SATB2: variants seen among roughly 807,000 people sequenced by gnomAD.
SATB2 encodes SATB homeobox 2.
In SATB2, 1 loss-of-function variant was observed where a neutral mutation model predicts 73.4. That is an observed-to-expected ratio of 0.01 (90% CI 0.00 to 0.06). The LOEUF is 0.06. Ranked by LOEUF, SATB2 falls within the 10% of genes least tolerant of loss-of-function variation. SATB2 has a pLI of 1.00. For synonymous variants in SATB2, 397 were observed against 367.0 expected, an observed-to-expected ratio of 1.08 and a Z score of -0.93; for missense variants, 459 against 945.8, an observed-to-expected ratio of 0.49 and a Z score of 6.75.
At chr2:199,470,935 G>A (rs1692693146) in intron 1 of SATB2, 1 of 152,436 alleles carries the variant, frequency 6.6e-6, no homozygotes, top group African/African-American at 2.4e-5. Context: ...GGACTTTGCT[G>A]CGGACGCTGC....
Position 199,280,013 on chromosome 2 carries a change from C to T in SATB2, c.1741-7341G>A, listed in dbSNP as rs538108482. On this transcript the variant is annotated intron_variant, in intron 10 of 10. Transcript: ENST00000417098. ...AAAATTAGCCAGGCGTGGTGGCACG[C>T]GCCTGTAATCCCAGCTACTTGGGTG... Among the ~76,000 whole-genome samples, 19 of 152,246 alleles carry T rather than the reference C, an allele frequency of 1.2e-4. No individual in the cohort carries two copies. In the South Asian group the frequency reaches 2.5e-3, roughly 20 times the overall value.
intron 6 of SATB2, among the ~76,000 whole-genome samples, chr2:199,353,431 A>G (rs1368670666): frequency 6.6e-6 from 1 of 152,124 alleles, no homozygotes; most frequent in Non-Finnish European, 1.5e-5. Flanking sequence ...CTAGGATTAC[A>G]GGCATGAGCC....
intron 10 of SATB2, among the ~76,000 whole-genome samples, chr2:199,275,205 G>T (rs1692276030): frequency 6.6e-6 from 1 of 152,148 alleles, no homozygotes; most frequent in Non-Finnish European, 1.5e-5. Context: ...TAGATTTAAA[G>T]AGATTTTCCA....
rs1692199722 is a variant in SATB2, at chr2:199,272,743, G to A, written c.1741-71C>T. 4 of 1,357,164 alleles carry A rather than the reference G, an allele frequency of 2.9e-6. No homozygotes were observed. Among genetic ancestry groups the A allele is most frequent in the Non-Finnish European group, 4.2e-6 (4 of 946,916 alleles). The allele number at this position is 1,357,164 out of a possible 1,614,324, so 84.1% of individuals were successfully genotyped here. A position where few individuals can be genotyped will look rare whatever the true frequency, so the allele number is the denominator to read the frequency against. On this transcript the variant is annotated intron_variant, in intron 10 of 10. Coordinates refer to ENST00000417098, the MANE Select transcript of SATB2 (RefSeq NM_001172509.2). The surrounding 1 kb of genome is among the most constrained non-coding windows in gnomAD (Gnocchi z 6.7). ...ACCTTTCCAAAACCATCAGCCCTCT[G>A]AAATATGTGTTATCTATCTAGCACT...
intron 2 of SATB2, among the ~76,000 whole-genome samples, chr2:199,446,435 T>C (rs1010317424): frequency 1.3e-5 from 2 of 152,126 alleles, no homozygotes; most frequent in African/African-American, 2.4e-5. Flanking sequence ...CTTGACTATT[T>C]AATTGCTGTT....
At chr2:199,445,873 A>G (rs1691948647) in intron 2 of SATB2, among the ~76,000 whole-genome samples, 1 of 152,128 alleles carries the variant, frequency 6.6e-6, no homozygotes, top group Non-Finnish European at 1.5e-5. Flanking sequence ...AGGCACCTTC[A>G]CTCTGAATAC....
At chr2:199,456,262 C>T (rs1206078830) in intron 1 of SATB2, among the ~76,000 whole-genome samples, 166 bp from the exon 2 acceptor site, 1 of 152,270 alleles carries the variant, frequency 6.6e-6, no homozygotes, top group Non-Finnish European at 1.5e-5. Flanking sequence ...CCCAACCTTA[C>T]ACTGGGCGGC....
In SATB2 at chr2:199,285,824, T is replaced by TGGTA. The variant is rs535865167; in HGVS notation, c.1741-13156_1741-13153dup. 3.6e-4 allele frequency among the ~76,000 whole-genome samples: 52 copies of TGGTA among 145,226 alleles called. 1 individual carries two copies. In the East Asian group the frequency reaches 0.01, roughly 29 times the overall value. On this transcript the variant is annotated intron_variant, in intron 10 of 10. Coordinates refer to ENST00000417098, the MANE Select transcript of SATB2 (RefSeq NM_001172509.2). ...GAGAAATCAATACAAACAAGCAAAATGGTAGGAAGTCTGACATGGAAATAT... is the reference window on the plus strand; with the variant it reads ...GAGAAATCAATACAAACAAGCAAAATGGTAGGTAGGAAGTCTGACATGGAAATAT...
Position 199,455,806 on chromosome 2 carries a change from C to G in SATB2, c.169+63G>C. 2.0e-6 allele frequency: 3 copies of G among 1,515,560 alleles called. No homozygotes were observed. Among genetic ancestry groups the G allele is most frequent in the Admixed American group, 3.9e-5 (2 of 50,906 alleles). The allele number at this position is 1,515,560 out of a possible 1,614,324, so 93.9% of individuals were successfully genotyped here. ...GCGACAGCGCCTAATCAACCTGAAC[C>G]CTGACACCCGGGCCATTATCACTGG... On this transcript the variant is annotated intron_variant, in intron 2 of 10. Transcript: ENST00000417098. This position sits in a 1 kb window ranked among gnomAD's most constrained non-coding sequence, Gnocchi z 4.1.
intron 5 of SATB2, among the ~76,000 whole-genome samples, chr2:199,373,621 G>A (rs181642812): frequency 8.5e-5 from 13 of 152,260 alleles, no homozygotes; most frequent in East Asian, 5.8e-4. Flanking sequence ...ATCAGAGAGT[G>A]TAAGGATTCT....
At chr2:199,280,332 T>C (rs1470344355) in intron 10 of SATB2, among the ~76,000 whole-genome samples, 3 of 152,108 alleles carry the variant, frequency 2.0e-5, no homozygotes, top group Non-Finnish European at 4.4e-5. Context: ...CCTGTGATGA[T>C]TGTGTTAACT....
At chr2:199,436,164 T>G (rs1403394154) in intron 2 of SATB2, among the ~76,000 whole-genome samples, 2 of 152,206 alleles carry the variant, frequency 1.3e-5, no homozygotes, top group African/African-American at 4.8e-5. Context: ...CTATAAATCT[T>G]TCTCAAGTCT....
At chr2:199,405,410 A>AG (rs1258297454) in intron 3 of SATB2, among the ~76,000 whole-genome samples, 1 of 152,178 alleles carries the variant, frequency 6.6e-6, no homozygotes, top group Non-Finnish European at 1.5e-5. Flanking sequence ...ATCTACCACC[A>AG]GGGGACCCAA....
chr2:199,309,028 C>A, intron 9 of SATB2, 71 bp from the exon 10 acceptor site: 1 of 1,173,254 alleles, frequency 8.5e-7, no homozygotes, highest in South Asian at 1.3e-5. Context: ...TGACTGCGGT[C>A]CAGTGCCATC....
intron 3 of SATB2, among the ~76,000 whole-genome samples, chr2:199,412,739 CAAAA>C (rs1478290840): frequency 6.6e-6 from 1 of 151,324 alleles, no homozygotes; most frequent in African/African-American, 2.4e-5. Flanking sequence ...AAACAAAAAA[CAAAA>C]AACAAACAAA....
At chr2:199,378,676 GCA>G (rs773370434) in intron 5 of SATB2, among the ~76,000 whole-genome samples, 1 of 151,544 alleles carries the variant, frequency 6.6e-6, no homozygotes. Flanking sequence ...ACCCTCAAAG[GCA>G]CACACACACA....
At chr2:199,413,150 T>C (rs1308365087) in intron 3 of SATB2, among the ~76,000 whole-genome samples, 4 of 152,222 alleles carry the variant, frequency 2.6e-5, no homozygotes, top group Non-Finnish European at 5.9e-5. Context: ...TCTCATAATC[T>C]ATATGTTTAT....
chr2:199,368,838 G>C, intron 5 of SATB2, 131 bp from the exon 6 acceptor site: 1 of 611,014 alleles, frequency 1.6e-6, no homozygotes, highest in Non-Finnish European at 2.9e-6. Flanking sequence ...CCTGTAAACT[G>C]AACTATTAAC....
chr2:199,296,879 A>G (rs185330930), intron 10 of SATB2, among the ~76,000 whole-genome samples: 1 of 152,308 alleles, frequency 6.6e-6, no homozygotes, highest in African/African-American at 2.4e-5. Flanking sequence ...AGAAATAGAG[A>G]GTAATATTTA....
Sources: gnomAD v4.1 joint callset for allele counts (sites outside exome capture counted in the v4.1 genomes callset) on GRCh38, gnomAD v4.1.1 for gene constraint, Gnocchi (gnomAD v3.1) non-coding constraint, MANE v1.5 for transcripts, NCBI Gene and HGNC (gene_info 2026-07-23, HGNC 2026-07-21) for gene names.